The following RASGRP1 variants were observed in gnomAD, a reference collection of about 807,000 sequenced individuals.
The protein encoded by RASGRP1 is RAS guanyl-releasing protein 1.
RASGRP1 carries 37 observed loss-of-function variants against 95.1 expected under a neutral mutation model. The observed-to-expected ratio is 0.39, with a 90% CI of 0.30 to 0.51. The LOEUF (loss-of-function observed/expected upper bound fraction) is 0.51, where lower values mean the gene tolerates loss of function less well. Ranked by LOEUF, RASGRP1 falls within the 20% of genes least tolerant of loss-of-function variation. The pLI is 0.80. For synonymous variants in RASGRP1, 325 were observed against 353.4 expected (o/e 0.92, Z 0.90); for missense variants, 711 against 965.4 (o/e 0.74, Z 3.49).
chr15:38,540,867 T>C (rs1406252334), intron 2 of RASGRP1, among the ~76,000 whole-genome samples: 3 of 152,236 alleles, frequency 2.0e-5, no homozygotes, highest in Non-Finnish European at 4.4e-5. Flanking sequence ...TACTGAAACA[T>C]TGATATTTTT....
intron 2 of RASGRP1, among the ~76,000 whole-genome samples, chr15:38,535,314 T>C (rs1009987261): frequency 1.3e-4 from 20 of 152,134 alleles, no homozygotes; most frequent in East Asian, 1.9e-4. Context: ...TGGCCATCCA[T>C]GTTACATGGC....
chr15:38,510,941 T>G (rs1891486610), intron 8 of RASGRP1, among the ~76,000 whole-genome samples: 2 of 152,160 alleles, frequency 1.3e-5, no homozygotes, highest in African/African-American at 4.8e-5. Flanking sequence ...CCAGCCTTGA[T>G]GACAGAGGAA....
intron 2 of RASGRP1, among the ~76,000 whole-genome samples, chr15:38,528,992 C>A (rs1389559405): frequency 1.3e-5 from 2 of 152,176 alleles, no homozygotes; most frequent in African/African-American, 4.8e-5. Flanking sequence ...CTCTCAGTTA[C>A]CCCAACTAAA....
chr15:38,545,400 C>T (rs144863384), intron 2 of RASGRP1, among the ~76,000 whole-genome samples: 7 of 152,176 alleles, frequency 4.6e-5, no homozygotes, highest in East Asian at 3.9e-4. Flanking sequence ...CTTTAGGAAA[C>T]GCTCCTTCCC....
At chr15:38,511,082 CATT>C (rs1484210836) in intron 8 of RASGRP1, among the ~76,000 whole-genome samples, 1 of 152,164 alleles carries the variant, frequency 6.6e-6, no homozygotes, top group Non-Finnish European at 1.5e-5. Context: ...ATTAATAAAA[CATT>C]ATGTATTACA....
intron 2 of RASGRP1, among the ~76,000 whole-genome samples, chr15:38,536,352 C>T (rs1325724463): frequency 6.6e-6 from 1 of 152,104 alleles, no homozygotes; most frequent in Non-Finnish European, 1.5e-5. Context: ...TGGCAAAGGG[C>T]CAGTGGACCC....
At chr15:38,499,261 TG>T in intron 14 of RASGRP1, 1 of 450,966 alleles carries the variant, frequency 2.2e-6, no homozygotes, top group Non-Finnish European at 4.1e-6. Flanking sequence ...AACACTCAGC[TG>T]TTAGGTCTTA....
chr15:38,557,219 T>G (rs1893596591), intron 2 of RASGRP1, among the ~76,000 whole-genome samples: 2 of 152,200 alleles, frequency 1.3e-5, no homozygotes, highest in Non-Finnish European at 2.9e-5. Flanking sequence ...CTGCTGCTGA[T>G]TCCTGGCTCC....
At chr15:38,560,250 T>C (rs569575895) in intron 1 of RASGRP1, 6 of 521,314 alleles carry the variant, frequency 1.2e-5, no homozygotes, top group Non-Finnish European at 2.1e-5. Context: ...GATTGCTCTG[T>C]CCTACTGTCT....
chr15:38,504,715 A>G (rs1331154947), intron 10 of RASGRP1: 1 of 152,236 alleles, frequency 6.6e-6, no homozygotes, highest in African/African-American at 2.4e-5. Context: ...CTTACTATCA[A>G]GTATTATGTA....
intron 6 of RASGRP1, among the ~76,000 whole-genome samples, chr15:38,513,549 A>G (rs1891631689): frequency 6.6e-6 from 1 of 152,168 alleles, no homozygotes; most frequent in African/African-American, 2.4e-5. Context: ...ATTTCCTTCT[A>G]CTCACCAACT....
rs1286526576 is a variant in RASGRP1, at chr15:38,490,578, T to C, written c.2370A>G (p.Gln790=). The change falls in exon 17 of 17, where the codon CAA becomes CAG. Residue 790 remains glutamine (Q), a synonymous_variant. Coordinates refer to ENST00000310803, the MANE Select transcript of RASGRP1 (RefSeq NM_005739.4). ...GCTAAGAACAGTCACCCTGCTCCAT[T>C]TGAGCTAAGACATGATTGCTTTTTT... ...QLEKSNHVLA[Q]MEQGDCS is the part of the protein sequence containing the mutation. 5 of 1,613,232 alleles carry C rather than the reference T, an allele frequency of 3.1e-6. No homozygotes were observed. In the African/African-American group the frequency reaches 5.3e-5, roughly 17 times the overall value.
chr15:38,500,410 C>T (rs969696512), intron 13 of RASGRP1, among the ~76,000 whole-genome samples: 3 of 151,680 alleles, frequency 2.0e-5, no homozygotes, highest in Admixed American at 1.3e-4. Flanking sequence ...GGTGCGATCT[C>T]GGCTCACTGC....
intron 10 of RASGRP1, 75 bp from the exon 11 acceptor site, chr15:38,503,451 T>A: frequency 9.1e-7 from 1 of 1,095,192 alleles, no homozygotes; most frequent in Non-Finnish European, 1.4e-6. Context: ...CTTTTCCCAC[T>A]ACCTGACGGT....
chr15:38,554,696 G>C (rs1318162427), intron 2 of RASGRP1, among the ~76,000 whole-genome samples: 1 of 152,216 alleles, frequency 6.6e-6, no homozygotes, highest in Non-Finnish European at 1.5e-5. Flanking sequence ...ATAGTGTCCA[G>C]TCTTATAATA....
chr15:38,543,581 T>C (rs1425289519), intron 2 of RASGRP1, among the ~76,000 whole-genome samples: 83 of 147,906 alleles, frequency 5.6e-4, no homozygotes, highest in African/African-American at 1.5e-3. Context: ...TTTTTTTTTT[T>C]CAGCATTTTC....
intron 2 of RASGRP1, among the ~76,000 whole-genome samples, chr15:38,556,965 C>T (rs1893581783): frequency 6.6e-6 from 1 of 152,150 alleles, no homozygotes; most frequent in Admixed American, 6.5e-5. Flanking sequence ...ATTTCCCCTC[C>T]ACACTTCTGT....
chr15:38,558,742 T>C (rs1488724179), intron 2 of RASGRP1, among the ~76,000 whole-genome samples: 1 of 152,264 alleles, frequency 6.6e-6, no homozygotes, highest in East Asian at 1.9e-4. Context: ...GTTGAAACTG[T>C]TCAATGCTGT....
chr15:38,500,234 C>G lies in RASGRP1; in HGVS notation c.1684-95G>C. 4.6e-6 allele frequency: 6 copies of G among 1,302,142 alleles called. No homozygotes were observed. The South Asian group carries it at 7.4e-5, about 16-fold the overall frequency. The allele number at this position is 1,302,142 out of a possible 1,614,324, so 80.7% of individuals were successfully genotyped here. On this transcript the variant is annotated intron_variant, in intron 13 of 16. Coordinates refer to ENST00000310803, the MANE Select transcript of RASGRP1 (RefSeq NM_005739.4). ...CCTTTATTTTCCTTCATTTTACTCT[C>G]TAGCTCAAGTGGGAAGGAAACCTCA...
Sources: allele counts gnomAD v4.1 joint callset (sites outside exome capture counted in the v4.1 genomes callset), GRCh38; gene constraint gnomAD v4.1.1; transcripts MANE v1.5; gene names NCBI Gene and HGNC (gene_info 2026-07-23, HGNC 2026-07-21).